Variants in SETD2 observed in about 807,000 individuals in gnomAD.
SETD2 encodes the protein histone-lysine N-methyltransferase SETD2.
In SETD2, 31 loss-of-function variants were observed where a neutral mutation model predicts 242.1. The observed-to-expected ratio is 0.13, with a 90% CI of 0.10 to 0.17. The LOEUF (loss-of-function observed/expected upper bound fraction) is 0.17, where lower values mean the gene tolerates loss of function less well. SETD2 is among the 10% of genes least tolerant of loss of function. SETD2 has a pLI of 1.00. For synonymous variants in SETD2, 1,006 were observed against 1,066.5 expected, an observed-to-expected ratio of 0.94 and a Z score of 1.11; for missense variants, 2,481 against 3,046.3, an observed-to-expected ratio of 0.81 and a Z score of 4.37.
intron 4 of SETD2, 56 bp from the exon 5 acceptor site, chr3:47,114,060 A>T: frequency 1.9e-6 from 3 of 1,559,824 alleles, no homozygotes; most frequent in Non-Finnish European, 2.6e-6. Flanking sequence ...GAACCAAAGT[A>T]ACTTTGAAAA....
intron 15 of SETD2, 50 bp from the exon 16 acceptor site, chr3:47,046,671 T>A (rs1160285797): frequency 1.3e-6 from 2 of 1,524,978 alleles, no homozygotes; most frequent in Admixed American, 1.9e-5. Flanking sequence ...GTCACTTTAA[T>A]AAACAGACTG....
chr3:47,109,669 G>A (rs946902445), intron 5 of SETD2, among the ~76,000 whole-genome samples: 8 of 151,942 alleles, frequency 5.3e-5, no homozygotes, highest in Non-Finnish European at 1.0e-4. Flanking sequence ...AAAAAATGTG[G>A]AGGGGAAAGA....
At chr3:47,129,800 G>A (rs1461582815) in intron 1 of SETD2, among the ~76,000 whole-genome samples, 1 of 151,806 alleles carries the variant, frequency 6.6e-6, no homozygotes, top group Non-Finnish European at 1.5e-5. Flanking sequence ...CAGGAGAATC[G>A]CTTGAACCGG....
At chr3:47,130,248 G>A (rs1290217624) in intron 1 of SETD2, among the ~76,000 whole-genome samples, 1 of 152,162 alleles carries the variant, frequency 6.6e-6, no homozygotes, top group Admixed American at 6.6e-5. Context: ...GACAGGGAGT[G>A]AAATCTGAAG....
chr3:47,040,298 G>A (rs943777607), intron 17 of SETD2, among the ~76,000 whole-genome samples: 4 of 152,072 alleles, frequency 2.6e-5, no homozygotes, highest in Non-Finnish European at 4.4e-5. Flanking sequence ...ATTTTAATGC[G>A]AGTAAGGAAG....
intron 18 of SETD2, among the ~76,000 whole-genome samples, chr3:47,028,014 GT>G (rs2038583872): frequency 1.3e-5 from 2 of 151,572 alleles, no homozygotes; most frequent in African/African-American, 4.9e-5. Flanking sequence ...CAGGATGCTG[GT>G]TTTTTTGTTT....
intron 3 of SETD2, among the ~76,000 whole-genome samples, chr3:47,117,176 T>TA (rs2042887531): frequency 6.7e-6 from 1 of 150,300 alleles, no homozygotes; most frequent in Non-Finnish European, 1.5e-5. Flanking sequence ...GATTCACATT[T>TA]AATGATTCCT....
rs776511280 is a variant in SETD2, at chr3:47,122,090, C to A, written c.2546G>T (p.Cys849Phe). ...ACCGATGCTCTGCTTATATTCTTCA[C>A]ATGCAAATTTTGAGTGATCTGTCAA... ...RNLTDHSKFA[C>F]EEYKQSIGST... The change falls in exon 3 of 21, where the codon TGT becomes TTT. Residue 849 changes from cysteine (C) to phenylalanine (F), a missense_variant. Physicochemically the swap from Cys to Phe is radical, Grantham distance 205. Coordinates refer to ENST00000409792, the MANE Select transcript of SETD2 (RefSeq NM_014159.7). 48 of 1,613,826 alleles carry A rather than the reference C, an allele frequency of 3.0e-5. No individual in the cohort carries two copies. Among genetic ancestry groups the A allele is most frequent in the Non-Finnish European group, 4.0e-5 (47 of 1,180,000 alleles).
At chr3:47,045,433 G>C (rs1026057053) in intron 16 of SETD2, among the ~76,000 whole-genome samples, 6 of 151,306 alleles carry the variant, frequency 4.0e-5, no homozygotes, top group Non-Finnish European at 8.8e-5. Flanking sequence ...CCGGAGAATG[G>C]TGAGAACCCA....
intron 1 of SETD2, among the ~76,000 whole-genome samples, chr3:47,155,059 G>C (rs535291884): frequency 6.6e-6 from 1 of 151,750 alleles, no homozygotes; most frequent in South Asian, 2.1e-4. Context: ...CACATTCATG[G>C]TTAGTACATA....
At chr3:47,029,367 A>C (rs1361147389) in intron 18 of SETD2, among the ~76,000 whole-genome samples, 1 of 151,762 alleles carries the variant, frequency 6.6e-6, no homozygotes, top group African/African-American at 2.4e-5. Flanking sequence ...GCCACCCTTC[A>C]ATCTTGTAGA....
chr3:47,050,159 TAAAGA>T (rs1021150028), intron 15 of SETD2, among the ~76,000 whole-genome samples: 5 of 151,618 alleles, frequency 3.3e-5, no homozygotes, highest in Admixed American at 6.6e-5. Context: ...GTTTCTAGCA[TAAAGA>T]AAAGACAAAT....
chr3:47,126,643 CT>C lies in SETD2; in HGVS notation c.87+4del. 2 of 1,346,826 alleles carry C rather than the reference CT, an allele frequency of 1.5e-6. No individual in the cohort carries two copies. Among genetic ancestry groups the C allele is most frequent in the Non-Finnish European group, 1.0e-6 (1 of 965,640 alleles). The allele number at this position is 1,346,826 out of a possible 1,614,324, so 83.4% of individuals were successfully genotyped here. On this transcript the variant is annotated splice_donor_region_variant and intron_variant, in intron 2 of 20. Coordinates refer to ENST00000409792, the MANE Select transcript of SETD2 (RefSeq NM_014159.7). Reference sequence around the variant, plus strand: ...TCATTGAATGACTAGTTAAATTATACTTACCTCATTTTCTTCTTCTCTATTT... The same window carrying C: ...TCATTGAATGACTAGTTAAATTATACTACCTCATTTTCTTCTTCTCTATTT...
intron 18 of SETD2, among the ~76,000 whole-genome samples, chr3:47,020,890 A>C (rs1008622991): frequency 6.6e-5 from 10 of 152,200 alleles, no homozygotes; most frequent in Non-Finnish European, 1.5e-4. Flanking sequence ...CTCCAGAGAA[A>C]GGTGGCACTC....
intron 10 of SETD2, among the ~76,000 whole-genome samples, chr3:47,087,867 G>A (rs535950162): frequency 1.3e-4 from 11 of 84,330 alleles, no homozygotes; most frequent in South Asian, 1.0e-3. Context: ...TACTCAGGAC[G>A]CTGAGGCAGA....
chr3:47,022,232 C>CACACACACA (rs1043249725), intron 18 of SETD2, among the ~76,000 whole-genome samples: 1 of 144,426 alleles, frequency 6.9e-6, no homozygotes, highest in Admixed American at 6.8e-5. Context: ...CACACACACA[C>CACACACACA]AAATTTAGCA....
At chr3:47,087,240 A>C (rs1464596212) in intron 10 of SETD2, among the ~76,000 whole-genome samples, 1 of 151,360 alleles carries the variant, frequency 6.6e-6, no homozygotes. Flanking sequence ...ACATTCTTTG[A>C]ATATAGACAG....
chr3:47,089,356 AG>A (rs778080322), intron 9 of SETD2, among the ~76,000 whole-genome samples: 1 of 152,152 alleles, frequency 6.6e-6, no homozygotes, highest in Non-Finnish European at 1.5e-5. Context: ...CTGAGGCAGA[AG>A]GATCACCTGA....
rs1021696810 is a variant in SETD2 at position 47,037,718 on chromosome 3, T to C, written c.7298A>G (p.His2433Arg). Reference sequence around the variant, plus strand: ...AGTTCCCAGGTCCATCTCAGCTTCATGCTCAAGGCTGGCATCATCTCCTGG... The same window carrying C: ...AGTTCCCAGGTCCATCTCAGCTTCACGCTCAAGGCTGGCATCATCTCCTGG... ...ESPGDDASLE[H>R]EAEMDLGTPT... is the part of the protein sequence containing the mutation. Residue 2433 changes from histidine (H) to arginine (R), a missense_variant, in exon 18 of 21, where the codon CAT becomes CGT. By Grantham distance (29) the His-to-Arg change is conservative. This residue lies in a region of SETD2 where 235 missense variants were observed against 293.9 expected (regional missense o/e 0.80). Transcript: ENST00000409792. 4.3e-6 allele frequency: 7 copies of C among 1,613,840 alleles called. No homozygotes were observed. The African/African-American group carries it at 8.0e-5, about 18-fold the overall frequency.
Sources: allele counts gnomAD v4.1 joint callset (sites outside exome capture counted in the v4.1 genomes callset), GRCh38; gene constraint gnomAD v4.1.1; regional missense constraint gnomAD v4.1.1; transcripts MANE v1.5; gene names NCBI Gene and HGNC (gene_info 2026-07-23, HGNC 2026-07-21).